The following EML5 variants were observed in gnomAD, a reference collection of about 807,000 sequenced individuals.
EML5 encodes echinoderm microtubule-associated protein-like 5.
EML5 carries 120 observed loss-of-function variants against 250.0 expected under a neutral mutation model. The observed-to-expected ratio is 0.48, with a 90% CI of 0.41 to 0.56. The LOEUF is 0.56. Ranked by LOEUF, EML5 falls within the 20% of genes least tolerant of loss-of-function variation. The probability of loss-of-function intolerance (pLI) is 0.00; values close to 1 mark genes in which losing one functional copy is unlikely to be tolerated. For synonymous variants in EML5, 771 were observed against 806.5 expected, an observed-to-expected ratio of 0.96 and a Z score of 0.75; for missense variants, 2,006 against 2,437.6, an observed-to-expected ratio of 0.82 and a Z score of 3.73.
chr14:88,767,325 G>A (rs1285112157), intron 1 of EML5, among the ~76,000 whole-genome samples: 1 of 152,156 alleles, frequency 6.6e-6, no homozygotes, highest in African/African-American at 2.4e-5. Flanking sequence ...GGCAGTTCCT[G>A]CACATGCAGC....
At chr14:88,748,634 C>A (rs2094043894) in intron 2 of EML5, among the ~76,000 whole-genome samples, 1 of 151,934 alleles carries the variant, frequency 6.6e-6, no homozygotes, top group African/African-American at 2.4e-5. Context: ...GAAAATCACT[C>A]AATAGAAACA....
At chr14:88,738,755 T>C in intron 6 of EML5, 124 bp downstream of exon 6, 1 of 1,172,292 alleles carries the variant, frequency 8.5e-7, no homozygotes, top group Admixed American at 3.1e-5. Context: ...GCATACAGGG[T>C]GAAGAGGCAA....
chr14:88,710,173 A>G (rs1007670468), intron 10 of EML5, among the ~76,000 whole-genome samples: 1 of 152,144 alleles, frequency 6.6e-6, no homozygotes, highest in African/African-American at 2.4e-5. Context: ...AGCAGGTGAA[A>G]CTAGAGAAAA....
rs758885916 is a variant in EML5 at position 88,695,284 on chromosome 14, T to C, written c.2438+77A>G. The C allele has an allele frequency of 7.4e-5, 85 of 1,143,982 alleles. 1 individual carries two copies. Among genetic ancestry groups the C allele is most frequent in the Non-Finnish European group, 9.9e-5 (80 of 804,866 alleles). 70.9% of individuals were successfully genotyped at this position (1,143,982 alleles called of 1,614,324 possible). On this transcript the variant is annotated intron_variant, in intron 16 of 43. Coordinates refer to ENST00000554922, the MANE Select transcript of EML5 (RefSeq NM_183387.3). ...GTTACATATTTGCTTGATTTCAAAA[T>C]TCTTTTAATTAAAAATTTTTTTAAG...
chr14:88,666,744 G>A (rs1198463911), intron 21 of EML5, among the ~76,000 whole-genome samples: 2 of 152,004 alleles, frequency 1.3e-5, no homozygotes, highest in Non-Finnish European at 2.9e-5. Flanking sequence ...CTAACAGCAA[G>A]GGTTGCAGCA....
intron 25 of EML5, among the ~76,000 whole-genome samples, chr14:88,661,298 C>T (rs915354990): frequency 1.1e-4 from 17 of 152,098 alleles, no homozygotes; most frequent in Non-Finnish European, 1.5e-5. Context: ...GCTATGCTGC[C>T]CAGGCTGGCC....
chr14:88,699,195 T>A (rs953478949), intron 14 of EML5, among the ~76,000 whole-genome samples: 1 of 152,032 alleles, frequency 6.6e-6, no homozygotes. Flanking sequence ...GAAGGTTGAA[T>A]AGAAGTGGAG....
intron 28 of EML5, among the ~76,000 whole-genome samples, chr14:88,647,628 C>A (rs2091415542): frequency 7.9e-6 from 1 of 126,702 alleles, no homozygotes; most frequent in African/African-American, 3.1e-5. Context: ...AAGGTCAAGG[C>A]TGCAGTGAGC....
chr14:88,660,547 C>G (rs1358192077), intron 25 of EML5, among the ~76,000 whole-genome samples: 1 of 151,872 alleles, frequency 6.6e-6, no homozygotes, highest in Admixed American at 6.6e-5. Context: ...TTGAGACCAG[C>G]CTGACCAACA....
chr14:88,629,611 TC>T (rs2090314151), intron 33 of EML5, among the ~76,000 whole-genome samples: 1 of 152,206 alleles, frequency 6.6e-6, no homozygotes, highest in African/African-American at 2.4e-5. Context: ...AAACAATTCT[TC>T]CTCCACCTGT....
chr14:88,660,762 GA>G (rs772493646), intron 25 of EML5, among the ~76,000 whole-genome samples: 43 of 142,788 alleles, frequency 3.0e-4, no homozygotes, highest in Non-Finnish European at 5.7e-4. Flanking sequence ...AAAGAAAAAA[GA>G]AAAAAAAAAC....
chr14:88,779,141 G>T (rs1595871045), intron 1 of EML5, among the ~76,000 whole-genome samples: 1 of 152,168 alleles, frequency 6.6e-6, no homozygotes, highest in South Asian at 2.1e-4. Flanking sequence ...ACTAATTAAT[G>T]ATGGGTATGA....
At chr14:88,784,974 A>G (rs1160749535) in intron 1 of EML5, among the ~76,000 whole-genome samples, 2 of 152,228 alleles carry the variant, frequency 1.3e-5, no homozygotes, top group African/African-American at 4.8e-5. Context: ...GGATAAAGAA[A>G]ACGTGGTATA....
intron 10 of EML5, among the ~76,000 whole-genome samples, chr14:88,711,278 C>G (rs1187489891): frequency 6.6e-6 from 1 of 150,422 alleles, no homozygotes; most frequent in East Asian, 2.0e-4. Flanking sequence ...AAGGAGAGAC[C>G]TGGTGGGAGG....
At chr14:88,695,143 A>G (rs1039893281) in intron 16 of EML5, among the ~76,000 whole-genome samples, 7 of 152,136 alleles carry the variant, frequency 4.6e-5, no homozygotes, top group Non-Finnish European at 1.0e-4. Context: ...CCAATGCCAT[A>G]TTATAGTTAT....
chr14:88,690,827 A>G (rs529600742), intron 17 of EML5, among the ~76,000 whole-genome samples: 1 of 152,334 alleles, frequency 6.6e-6, no homozygotes, highest in East Asian at 1.9e-4. Flanking sequence ...AATCTAGTGC[A>G]CAAATGGAAG....
At chr14:88,770,915 T>C (rs1344441605) in intron 1 of EML5, among the ~76,000 whole-genome samples, 2 of 152,212 alleles carry the variant, frequency 1.3e-5, no homozygotes, top group African/African-American at 4.8e-5. Context: ...AAAGTTCTTC[T>C]TCCTATTAAT....
chr14:88,745,501 A>G lies in EML5; in HGVS notation c.456+684T>C, dbSNP rs145355460. ...TGAGGAATATATATTCTAACAAGTC[A>G]TCAGTTAAAAATGTTAGGTCTCTAA... On this transcript the variant is annotated intron_variant, in intron 3 of 43. Transcript: ENST00000554922. Among the ~76,000 whole-genome samples the G allele has an allele frequency of 5.6e-3, 860 of 152,304 alleles. 7 individuals are homozygous for G. The highest frequency in any genetic ancestry group is 0.02 in the African/African-American group (830 of 41,572).
At position 88,771,066 on chromosome 14, in the gene EML5, T is replaced by C. The variant is rs1189104251; in HGVS notation, c.198-16395A>G. Among the ~76,000 whole-genome samples, 3 of 152,378 alleles carry C rather than the reference T, an allele frequency of 2.0e-5. No homozygotes were observed. The East Asian group carries it at 5.8e-4, about 29-fold the overall frequency. Reference sequence around the variant, plus strand: ...CATGTTAAACAAACATAAAGTGAGCTATCATCTTCCTCATAAATCTCCATT... The same window carrying C: ...CATGTTAAACAAACATAAAGTGAGCCATCATCTTCCTCATAAATCTCCATT... On this transcript the variant is annotated intron_variant, in intron 1 of 43. Transcript: ENST00000554922.
Sources: allele counts gnomAD v4.1 joint callset (sites outside exome capture counted in the v4.1 genomes callset), GRCh38; gene constraint gnomAD v4.1.1; transcripts MANE v1.5; gene names NCBI Gene and HGNC (gene_info 2026-07-23, HGNC 2026-07-21).